The following SGMS2 variants were observed in gnomAD, a reference collection of about 807,000 sequenced individuals.
SGMS2 encodes phosphatidylcholine:ceramide cholinephosphotransferase 2.
SGMS2 carries 21 observed loss-of-function variants against 43.8 expected under a neutral mutation model. That is an observed-to-expected ratio of 0.48 (90% CI 0.34 to 0.69). The LOEUF (loss-of-function observed/expected upper bound fraction) is 0.69. SGMS2 is among the 30% of genes least tolerant of loss of function. The pLI is 0.01. For synonymous variants in SGMS2, 167 were observed against 160.6 expected (o/e 1.04, Z -0.30); for missense variants, 384 against 443.2 (o/e 0.87, Z 1.20).
rs562966832 is a variant in SGMS2 at position 107,865,066 on chromosome 4, A to G, written c.-245+6513A>G. Among the ~76,000 whole-genome samples, 19 of 152,368 alleles carry G rather than the reference A, an allele frequency of 1.2e-4. 1 individual carries two copies. Among genetic ancestry groups the G allele is most frequent in the African/African-American group, 4.3e-4 (18 of 41,596 alleles). The stretch of plus-strand genomic sequence containing the variant: ...GAACAAACATAACATTTTCAAAAAC[A>G]GCCATAAATAATGCCTCAAGTGATT... On this transcript the variant is annotated intron_variant, in intron 2 of 6. Coordinates refer to ENST00000690982, the MANE Select transcript of SGMS2 (RefSeq NM_001375905.1).
intron 2 of SGMS2, among the ~76,000 whole-genome samples, chr4:107,860,818 C>A (rs920911863): frequency 6.6e-6 from 1 of 152,174 alleles, no homozygotes; most frequent in African/African-American, 2.4e-5. Flanking sequence ...AGCCACTGCA[C>A]CTGGCCAAGG....
intron 2 of SGMS2, among the ~76,000 whole-genome samples, chr4:107,870,014 G>A (rs1297023926): frequency 1.3e-5 from 2 of 152,138 alleles, no homozygotes; most frequent in Non-Finnish European, 2.9e-5. Flanking sequence ...TTTTCCTTGT[G>A]TAGGAATGTC....
intron 1 of SGMS2, among the ~76,000 whole-genome samples, chr4:107,855,832 G>T (rs1005893414): frequency 1.3e-5 from 2 of 152,084 alleles, no homozygotes; most frequent in African/African-American, 4.8e-5. Context: ...TCTCCCTTTA[G>T]ATCTATTTTT....
At chr4:107,847,881 A>G (rs1225309083) in intron 1 of SGMS2, among the ~76,000 whole-genome samples, 1 of 152,162 alleles carries the variant, frequency 6.6e-6, no homozygotes, top group Non-Finnish European at 1.5e-5. Flanking sequence ...AGTTTCCCAC[A>G]TTAGTGTAGT....
intron 1 of SGMS2, among the ~76,000 whole-genome samples, chr4:107,841,351 A>G (rs1364936859): frequency 6.6e-6 from 1 of 151,658 alleles, no homozygotes; most frequent in Non-Finnish European, 1.5e-5. Flanking sequence ...CCCTGAAGGC[A>G]CCTTTTAGGC....
In SGMS2 at chr4:107,903,269, C is replaced by T; in HGVS notation, c.610C>T (p.Leu204=). Residue 204 remains leucine, a synonymous_variant, in exon 5 of 7, where the codon CTA becomes TTA. Coordinates refer to ENST00000690982, the MANE Select transcript of SGMS2 (RefSeq NM_001375905.1). ...GDSQAKVQRI[L]RLISGGGLSI... ...CTCTCAGGCAAAAGTTCAACGGATT[C>T]TACGATTGATTTCTGGTGGTGGATT... 6.2e-7 allele frequency: 1 copy of T among 1,614,056 alleles called. No homozygotes were observed. The highest frequency in any genetic ancestry group is 8.5e-7 in the Non-Finnish European group (1 of 1,179,954).
chr4:107,871,552 ACC>A (rs1305124075), intron 2 of SGMS2, among the ~76,000 whole-genome samples: 3 of 151,954 alleles, frequency 2.0e-5, no homozygotes, highest in African/African-American at 7.3e-5. Context: ...AGCACTTAGG[ACC>A]CAATTCTGCA....
intron 1 of SGMS2, among the ~76,000 whole-genome samples, chr4:107,846,381 C>T (rs911875874): frequency 4.7e-5 from 7 of 149,188 alleles, no homozygotes; most frequent in East Asian, 2.0e-4. Flanking sequence ...TTTGTCCTTG[C>T]GATAGTTTAC....
chr4:107,841,323 C>G (rs1307319113), intron 1 of SGMS2, among the ~76,000 whole-genome samples: 1 of 152,036 alleles, frequency 6.6e-6, no homozygotes, highest in East Asian at 1.9e-4. Flanking sequence ...TTTCCCAAAT[C>G]TTTTTTTCAT....
At chr4:107,899,861 A>G (rs1486193109) in intron 4 of SGMS2, among the ~76,000 whole-genome samples, 169 bp downstream of exon 4, 2 of 152,142 alleles carry the variant, frequency 1.3e-5, no homozygotes, top group African/African-American at 4.8e-5. Context: ...TATTTATAAA[A>G]TATATACCTT....
chr4:107,876,721 CT>C (rs1215640679), intron 2 of SGMS2, among the ~76,000 whole-genome samples: 1 of 151,862 alleles, frequency 6.6e-6, no homozygotes, highest in South Asian at 2.1e-4. Context: ...GAGAACTATT[CT>C]TTTTTTTCAT....
chr4:107,856,548 A>G (rs1292654130), intron 1 of SGMS2, among the ~76,000 whole-genome samples: 1 of 152,208 alleles, frequency 6.6e-6, no homozygotes, highest in African/African-American at 2.4e-5. Flanking sequence ...AAAAGCAACT[A>G]TCTGCTTTAA....
At chr4:107,908,429 A>T in intron 5 of SGMS2, 136 bp from the exon 6 acceptor site, 1 of 852,232 alleles carries the variant, frequency 1.2e-6, no homozygotes, top group Non-Finnish European at 1.8e-6. Flanking sequence ...ATAGTGACTC[A>T]GTTTAGGTTA....
chr4:107,871,014 T>G (rs561116612), intron 2 of SGMS2, among the ~76,000 whole-genome samples: 112 of 152,324 alleles, frequency 7.4e-4, no homozygotes, highest in African/African-American at 2.6e-3. Context: ...CCTCTTGGCA[T>G]TATGTTCAGG....
At chr4:107,893,177 A>T (rs1318770666) in intron 2 of SGMS2, 3 of 152,148 alleles carry the variant, frequency 2.0e-5, no homozygotes, top group Non-Finnish European at 4.4e-5. Context: ...GGAAAAAAAA[A>T]AGAAAAAAGG....
At chr4:107,901,274 C>T (rs914877557) in intron 4 of SGMS2, among the ~76,000 whole-genome samples, 3 of 152,152 alleles carry the variant, frequency 2.0e-5, no homozygotes, top group African/African-American at 7.2e-5. Context: ...TTCAGTAAAA[C>T]AAACACAAAT....
At chr4:107,867,808 T>C (rs1728240627) in intron 2 of SGMS2, 2 of 152,208 alleles carry the variant, frequency 1.3e-5, no homozygotes, top group South Asian at 4.1e-4. Context: ...ATTTATTTTT[T>C]TTATATGGAA....
Position 107,914,527 on chromosome 4 carries a change from G to A in SGMS2, c.*3974G>A, listed in dbSNP as rs1732333443. The A allele has an allele frequency of 6.6e-6, 1 of 152,008 alleles. No homozygotes were observed. The highest frequency in any genetic ancestry group is 2.4e-5 in the African/African-American group (1 of 41,418). The allele number at this position is 152,008 out of a possible 1,614,324, so 9.4% of individuals were successfully genotyped here. A position where few individuals can be genotyped will look rare whatever the true frequency, so the allele number is the denominator to read the frequency against. On this transcript the variant is annotated 3_prime_UTR_variant, in exon 7 of 7. Transcript: ENST00000690982. ...AGAGGTAGCCAATTGCATTCTTTTG[G>A]AAATTTACTGTACTGTTTCAATGTG...
chr4:107,879,641 T>C (rs780362363), intron 2 of SGMS2, among the ~76,000 whole-genome samples: 1 of 152,012 alleles, frequency 6.6e-6, no homozygotes, highest in Non-Finnish European at 1.5e-5. Context: ...TTTGTATTTT[T>C]AGGAGAGACA....
Sources: allele counts gnomAD v4.1 joint callset (sites outside exome capture counted in the v4.1 genomes callset), GRCh38; gene constraint gnomAD v4.1.1; transcripts MANE v1.5; gene names NCBI Gene and HGNC (gene_info 2026-07-23, HGNC 2026-07-21).